ZFYVE26: variants seen among roughly 807,000 people sequenced by gnomAD.
The protein encoded by ZFYVE26 is zinc finger FYVE domain-containing protein 26.
A neutral mutation model predicts 276.5 loss-of-function variants in ZFYVE26; 181 were observed. That is an observed-to-expected ratio of 0.65 (90% CI 0.58 to 0.74). The LOEUF (loss-of-function observed/expected upper bound fraction) is 0.74. Ranked by LOEUF, ZFYVE26 falls within the 30% of genes least tolerant of loss-of-function variation. ZFYVE26 has a pLI of 0.00. For missense variants in ZFYVE26, 2,821 were observed against 3,097.9 expected, an observed-to-expected ratio of 0.91 and a Z score of 2.12; for synonymous variants, 1,129 against 1,203.1, an observed-to-expected ratio of 0.94 and a Z score of 1.27.
At chr14:67,744,253 T>C (rs2038453889), downstream of ZFYVE26, among the ~76,000 whole-genome samples, 1 of 152,210 alleles carries the variant, frequency 6.6e-6, no homozygotes, top group Non-Finnish European at 1.5e-5. Context: ...TTTCTAAATA[T>C]AGCAGTCATC....
chr14:67,815,746 C>A (rs2040388016), intron 2 of ZFYVE26, 24 bp downstream of exon 2: 2 of 1,611,514 alleles, frequency 1.2e-6, no homozygotes. Flanking sequence ...CTGGGACCGT[C>A]TGGTAGGAAA....
intron 35 of ZFYVE26, chr14:67,756,430 C>A (rs2140185966): frequency 4.2e-6 from 2 of 474,910 alleles, no homozygotes; most frequent in Non-Finnish European, 7.7e-6. Flanking sequence ...TAGCTCTGCA[C>A]CCATAATTCC....
rs1445781411 is a variant in ZFYVE26 at position 67,777,622 on chromosome 14, G to T, written c.4911C>A (p.His1637Gln). Residue 1637 changes from histidine (H) to glutamine (Q), a missense_variant, in exon 25 of 42, where the codon CAC (histidine) becomes CAA (glutamine). Transcript: ENST00000347230. Reference sequence around the variant, plus strand: ...GGACAGCAGTCAGTTGTCCATAGAAGTGGGTGGTGAGGTAGTTGGCCAAGA... The same window carrying T: ...GGACAGCAGTCAGTTGTCCATAGAATTGGGTGGTGAGGTAGTTGGCCAAGA... ...SHFLANYLTTHFYGQLTAVRH... is the reference protein window; with the variant it reads ...SHFLANYLTTQFYGQLTAVRH... 1 of 1,614,140 alleles carries T rather than the reference G, an allele frequency of 6.2e-7. No individual in the cohort carries two copies. Among genetic ancestry groups the T allele is most frequent in the East Asian group, 2.2e-5 (1 of 44,884 alleles).
Position 67,785,239 on chromosome 14 carries a change from C to T in ZFYVE26, c.3343G>A (p.Ala1115Thr). 13 of 1,612,880 alleles carry T rather than the reference C, an allele frequency of 8.1e-6. No individual in the cohort carries two copies. The highest frequency in any genetic ancestry group is 1.1e-5 in the Non-Finnish European group (13 of 1,179,340). Reference sequence around the variant, plus strand: ...TCTGCCTCTGGAGCTTTCTGGGCTGCCTGCTCCACCAGGGAAGACAGTGGA... The same window carrying T: ...TCTGCCTCTGGAGCTTTCTGGGCTGTCTGCTCCACCAGGGAAGACAGTGGA... ...TPPLSSLVEQ[A>T]AQKAPEAEAH... Residue 1115 changes from alanine to threonine, a missense_variant, in exon 19 of 42, where the codon GCA (alanine) becomes ACA (threonine). Ala to Thr is a moderately conservative substitution (Grantham distance 58, BLOSUM62 0). Coordinates refer to ENST00000347230, the MANE Select transcript of ZFYVE26 (RefSeq NM_015346.4).
At position 67,804,231 on chromosome 14, in the gene ZFYVE26, A is replaced by C; in HGVS notation, c.1305T>G (p.His435Gln). 6.2e-7 allele frequency: 1 copy of C among 1,614,182 alleles called. No homozygotes were observed. The highest frequency in any genetic ancestry group is 8.5e-7 in the Non-Finnish European group (1 of 1,180,008). Residue 435 changes from histidine (H) to glutamine (Q), a missense_variant, in exon 9 of 42, where the codon CAT (histidine) becomes CAG (glutamine). His to Gln is a conservative substitution (Grantham distance 24). Transcript: ENST00000347230. ...NPIPKRDLLY[H>Q]LHGGDSHSVL... ...CTGAGTGGCTGTCTCCACCGTGTAAATGATACAACAGATCTCTCTTTGGTA... is the reference window on the plus strand; with the variant it reads ...CTGAGTGGCTGTCTCCACCGTGTAACTGATACAACAGATCTCTCTTTGGTA...
At chr14:67,744,473 A>G (rs2038456779), downstream of ZFYVE26, among the ~76,000 whole-genome samples, 1 of 152,220 alleles carries the variant, frequency 6.6e-6, no homozygotes, top group Non-Finnish European at 1.5e-5. Flanking sequence ...ATAGGTATAC[A>G]TGTGCCGTGG....
At chr14:67,788,103 G>T (rs10132968) in intron 16 of ZFYVE26, among the ~76,000 whole-genome samples, 149,541 of 151,980 alleles carry the variant, frequency 0.98, 73,602 homozygotes, top group East Asian at 1. Context: ...AAAAAAAACC[G>T]TGGGTGGTTG....
chr14:67,746,045 A>G (rs766254858), downstream of ZFYVE26, among the ~76,000 whole-genome samples: 2 of 152,004 alleles, frequency 1.3e-5, no homozygotes, highest in African/African-American at 4.8e-5. Context: ...AGATAATTCA[A>G]TGCAGCATAA....
rs968655435 is a variant in ZFYVE26 at position 67,798,642 on chromosome 14, A to G, written c.1640-20T>C. ...CAGCACCTACAAAAACATGTACAAGAGAAGAGGCCAGAGAAAGAGAAGACA... is the reference window on the plus strand; with the variant it reads ...CAGCACCTACAAAAACATGTACAAGGGAAGAGGCCAGAGAAAGAGAAGACA... On this transcript the variant is annotated intron_variant, in intron 10 of 41. Transcript: ENST00000347230. 1 of 1,613,472 alleles carries G rather than the reference A, an allele frequency of 6.2e-7. No individual in the cohort carries two copies. Among genetic ancestry groups the G allele is most frequent in the Non-Finnish European group, 8.5e-7 (1 of 1,180,022 alleles).
At chr14:67,753,147 T>A (rs1365386779) in intron 39 of ZFYVE26, among the ~76,000 whole-genome samples, 1 of 152,220 alleles carries the variant, frequency 6.6e-6, no homozygotes, top group Non-Finnish European at 1.5e-5. Flanking sequence ...ATAAATACCC[T>A]GCCTGCCCTA....
chr14:67,785,148 C>G lies in ZFYVE26; in HGVS notation c.3434G>C (p.Gly1145Ala). The change falls in exon 19 of 42, where the codon GGC (glycine) becomes GCC (alanine). Residue 1145 changes from glycine (G) to alanine (A), a missense_variant. Gly to Ala is a moderately conservative substitution (Grantham distance 60). Coordinates refer to ENST00000347230, the MANE Select transcript of ZFYVE26 (RefSeq NM_015346.4). Reference protein sequence around the residue: ...QKNLGKQTPSGSRQMDYLGTF... With the variant: ...QKNLGKQTPSASRQMDYLGTF... ...GCCCAAGTAGTCCATCTGCCTGCTG[C>G]CTGATGGGGTCTGTTTGCCCAGGTT... The G allele has an allele frequency of 6.2e-7, 1 of 1,614,194 alleles. No individual in the cohort carries two copies. Among genetic ancestry groups the G allele is most frequent in the South Asian group, 1.1e-5 (1 of 91,082 alleles).
chr14:67,792,121 A>G (rs2039830555), intron 14 of ZFYVE26, among the ~76,000 whole-genome samples: 1 of 151,870 alleles, frequency 6.6e-6, no homozygotes, highest in Admixed American at 6.6e-5. Context: ...TCCTCCAAGG[A>G]TCATAATTAT....
At chr14:67,808,035 A>G in intron 4 of ZFYVE26, 115 bp from the exon 5 acceptor site, 1 of 1,250,934 alleles carries the variant, frequency 8.0e-7, no homozygotes, top group Non-Finnish European at 1.1e-6. Flanking sequence ...GCGGTAACAA[A>G]TACTTATGTC....
chr14:67,777,503 T>C (rs1158903040), intron 25 of ZFYVE26, 56 bp downstream of exon 25: 1 of 1,612,016 alleles, frequency 6.2e-7, no homozygotes, highest in East Asian at 2.2e-5. Flanking sequence ...ACACCTCCTT[T>C]TCCTCCTTAC....
intron 3 of ZFYVE26, among the ~76,000 whole-genome samples, 183 bp downstream of exon 3, chr14:67,813,803 A>G (rs975685814): frequency 1.3e-5 from 2 of 152,228 alleles, no homozygotes; most frequent in African/African-American, 2.4e-5. Flanking sequence ...GCCAATGTAT[A>G]TTAGTGCATT....
intron 13 of ZFYVE26, among the ~76,000 whole-genome samples, chr14:67,740,708 ACCAG>A (rs2140169765): frequency 6.6e-6 from 1 of 152,272 alleles, no homozygotes; most frequent in East Asian, 1.9e-4. Context: ...GGAGTTCGAG[ACCAG>A]CCTGGCCAAG....
chr14:67,738,362 T>G (rs2038375423), intron 13 of ZFYVE26, among the ~76,000 whole-genome samples: 2 of 128,676 alleles, frequency 1.6e-5, no homozygotes, highest in Non-Finnish European at 3.0e-5. Context: ...TATACTAATA[T>G]ACTTATAAAT....
At chr14:67,780,080 C>T (rs867570162) in intron 23 of ZFYVE26, among the ~76,000 whole-genome samples, 161 bp downstream of exon 23, 31 of 152,158 alleles carry the variant, frequency 2.0e-4, no homozygotes, top group African/African-American at 6.7e-4. Context: ...ACCGTGGTCT[C>T]GATCTCCTGA....
intron 34 of ZFYVE26, 129 bp downstream of exon 34, chr14:67,762,074 T>C (rs968197195): frequency 2.4e-5 from 27 of 1,140,552 alleles, no homozygotes; most frequent in Middle Eastern, 4.6e-4. Context: ...AAAAAAAAAA[T>C]TTTTAACCTG....
Sources: gnomAD v4.1 joint callset for allele counts (sites outside exome capture counted in the v4.1 genomes callset) on GRCh38, gnomAD v4.1.1 for gene constraint, MANE v1.5 for transcripts, NCBI Gene and HGNC (gene_info 2026-07-23, HGNC 2026-07-21) for gene names.